The following TRPM3 variants were observed in gnomAD, a reference collection of about 807,000 sequenced individuals.
TRPM3 encodes transient receptor potential cation channel subfamily M member 3.
Under a neutral mutation model 181.2 loss-of-function variants are expected in TRPM3, and 77 were observed. The ratio of observed to expected loss-of-function variants is 0.42; its 90% CI spans 0.35 to 0.51. The LOEUF (loss-of-function observed/expected upper bound fraction) is 0.51. TRPM3 is among the 20% of genes least tolerant of loss of function. The pLI is 0.01. For missense variants in TRPM3, 1,759 were observed against 2,196.7 expected, an observed-to-expected ratio of 0.80 and a Z score of 3.98; for synonymous variants, 745 against 796.4, an observed-to-expected ratio of 0.94 and a Z score of 1.09.
At chr9:70,616,109 C>T (rs1288164663) in intron 17 of TRPM3, 34 bp from the exon 18 acceptor site, 33 of 1,465,660 alleles carry the variant, frequency 2.3e-5, no homozygotes, top group Non-Finnish European at 2.9e-5. Context: ...ATAATAATCA[C>T]ATTTAAAGGA....
chr9:70,990,172 A>C (rs1487721131), intron 1 of TRPM3, among the ~76,000 whole-genome samples: 1 of 152,188 alleles, frequency 6.6e-6, no homozygotes, highest in Non-Finnish European at 1.5e-5. Context: ...GACAAGATGC[A>C]CTATTTCTCT....
chr9:71,151,093 AGT>A (rs746619147), intron 1 of TRPM3, among the ~76,000 whole-genome samples: 12 of 152,296 alleles, frequency 7.9e-5, no homozygotes, highest in Non-Finnish European at 1.8e-4. Flanking sequence ...AATGAATAGG[AGT>A]GTGTGTGTGC....
chr9:71,026,857 G>A (rs2056595419), intron 1 of TRPM3, among the ~76,000 whole-genome samples: 1 of 152,210 alleles, frequency 6.6e-6, no homozygotes, highest in Non-Finnish European at 1.5e-5. Flanking sequence ...CACACACACA[G>A]TCGCAGGTGG....
At chr9:70,752,024 G>A (rs991853282) in intron 8 of TRPM3, among the ~76,000 whole-genome samples, 7 of 118,932 alleles carry the variant, frequency 5.9e-5, no homozygotes, top group African/African-American at 2.1e-4. Flanking sequence ...GTGTGTGTGT[G>A]TGTGTGTGTG....
intron 24 of TRPM3, among the ~76,000 whole-genome samples, chr9:70,551,284 A>G (rs1386081126): frequency 6.6e-6 from 1 of 152,194 alleles, no homozygotes; most frequent in Non-Finnish European, 1.5e-5. Context: ...CGACTGATTC[A>G]TACAATGCAG....
chr9:71,356,096 C>T (rs2091887752), intron 1 of TRPM3, among the ~76,000 whole-genome samples: 1 of 152,086 alleles, frequency 6.6e-6, no homozygotes, highest in Non-Finnish European at 1.5e-5. Flanking sequence ...GGTCTCTCTG[C>T]CACTCTTGAA....
chr9:71,365,804 G>A (rs946612492), intron 1 of TRPM3, among the ~76,000 whole-genome samples: 6 of 151,992 alleles, frequency 3.9e-5, no homozygotes, highest in African/African-American at 1.4e-4. Context: ...AGCACCTATT[G>A]TTCTAAATAT....
chr9:70,906,834 C>A (rs2096472534), intron 1 of TRPM3, among the ~76,000 whole-genome samples: 1 of 152,086 alleles, frequency 6.6e-6, no homozygotes, highest in African/African-American at 2.4e-5. Flanking sequence ...ACCCGGGAGG[C>A]AGAGGTGGCA....
At chr9:71,298,788 G>A (rs142153336) in intron 1 of TRPM3, among the ~76,000 whole-genome samples, 50 of 152,166 alleles carry the variant, frequency 3.3e-4, no homozygotes, top group Non-Finnish European at 1.9e-4. Flanking sequence ...CTAGGCAAAT[G>A]TGCTTTCACC....
At chr9:71,130,062 A>G (rs565688044) in intron 1 of TRPM3, among the ~76,000 whole-genome samples, 1 of 152,352 alleles carries the variant, frequency 6.6e-6, no homozygotes, top group Non-Finnish European at 1.5e-5. Flanking sequence ...TTTTAAACAT[A>G]TACAAACTCA....
intron 1 of TRPM3, among the ~76,000 whole-genome samples, chr9:71,158,054 G>T (rs2076093263): frequency 6.6e-6 from 1 of 152,066 alleles, no homozygotes; most frequent in Non-Finnish European, 1.5e-5. Context: ...TTATAATATT[G>T]TACAGTAAGA....
At chr9:71,165,679 C>T (rs369303832) in intron 1 of TRPM3, among the ~76,000 whole-genome samples, 21 of 152,048 alleles carry the variant, frequency 1.4e-4, no homozygotes, top group African/African-American at 2.9e-4. Context: ...CCTGAGTGTG[C>T]GCTATTTGTG....
chr9:71,267,192 C>G (rs1251329956), intron 1 of TRPM3, among the ~76,000 whole-genome samples: 1 of 152,180 alleles, frequency 6.6e-6, no homozygotes, highest in East Asian at 1.9e-4. Context: ...TCCTTCAAGG[C>G]TCAGCTTAAA....
At chr9:71,402,095 T>A (rs913148320) in intron 1 of TRPM3, among the ~76,000 whole-genome samples, 6 of 152,274 alleles carry the variant, frequency 3.9e-5, no homozygotes, top group African/African-American at 1.2e-4. Context: ...TCAAACAAAC[T>A]GTCGTCAATT....
intron 1 of TRPM3, among the ~76,000 whole-genome samples, chr9:71,320,219 G>T (rs981150975): frequency 6.6e-6 from 1 of 151,706 alleles, no homozygotes; most frequent in Non-Finnish European, 1.5e-5. Context: ...TCCCTAAAGT[G>T]TGAAAGGTAT....
chr9:71,266,173 A>T (rs1409507278), intron 1 of TRPM3, among the ~76,000 whole-genome samples: 1 of 152,182 alleles, frequency 6.6e-6, no homozygotes, highest in African/African-American at 2.4e-5. Context: ...GCATTTCACT[A>T]CATAGTATCA....
In TRPM3 at chr9:70,561,526, T is replaced by C. The variant is rs1283985528; in HGVS notation, c.3224-8216A>G. Among the ~76,000 whole-genome samples the C allele has an allele frequency of 2.0e-5, 3 of 152,184 alleles. No homozygotes were observed. In the East Asian group the frequency reaches 5.8e-4, roughly 29 times the overall value. ...GTAGGTGACTGCCAATATCCTCTTA[T>C]AATGGACAAGAAGAGCAAAGGTCGC... On this transcript the variant is annotated intron_variant, in intron 22 of 25. Coordinates refer to ENST00000677713, the MANE Select transcript of TRPM3 (RefSeq NM_001366145.2).
chr9:70,548,232 T>A (rs1226310298), intron 25 of TRPM3, among the ~76,000 whole-genome samples: 1 of 152,248 alleles, frequency 6.6e-6, no homozygotes, highest in African/African-American at 2.4e-5. Flanking sequence ...AGACTTTTAG[T>A]TTCTTCTTCT....
chr9:70,927,307 G>A (rs1270564136), intron 1 of TRPM3, among the ~76,000 whole-genome samples: 1 of 152,132 alleles, frequency 6.6e-6, no homozygotes, highest in African/African-American at 2.4e-5. Context: ...GACATAGAGG[G>A]TCAAAATACA....
Sources: allele counts gnomAD v4.1 joint callset (sites outside exome capture counted in the v4.1 genomes callset), GRCh38; gene constraint gnomAD v4.1.1; transcripts MANE v1.5; gene names NCBI Gene and HGNC (gene_info 2026-07-23, HGNC 2026-07-21).